The following RABGAP1L variants were observed in gnomAD, a reference collection of about 807,000 sequenced individuals.
The protein encoded by RABGAP1L is rab GTPase-activating protein 1-like.
Under a neutral mutation model 137.7 loss-of-function variants are expected in RABGAP1L, and 63 were observed. The ratio of observed to expected loss-of-function variants is 0.46; its 90% confidence interval spans 0.37 to 0.56. The LOEUF (loss-of-function observed/expected upper bound fraction) is 0.56. RABGAP1L is among the 20% of genes least tolerant of loss of function. RABGAP1L has a pLI of 0.00. For synonymous variants in RABGAP1L, 431 were observed against 433.7 expected, an observed-to-expected ratio of 0.99 and a Z score of 0.08; for missense variants, 1,095 against 1,244.0, an observed-to-expected ratio of 0.88 and a Z score of 1.80.
chr1:174,744,582 G>A (rs1033827882), intron 17 of RABGAP1L, among the ~76,000 whole-genome samples: 5 of 152,158 alleles, frequency 3.3e-5, no homozygotes, highest in Non-Finnish European at 5.9e-5. Flanking sequence ...GCACTGAGAA[G>A]GGCACAGCAT....
intron 18 of RABGAP1L, among the ~76,000 whole-genome samples, chr1:174,791,466 ATTT>A (rs1232457051): frequency 1.3e-5 from 2 of 152,184 alleles, no homozygotes; most frequent in Non-Finnish European, 2.9e-5. Flanking sequence ...ACACCTCATT[ATTT>A]TTTAACAGCA....
At chr1:174,210,493 A>C (rs2148428888) in intron 1 of RABGAP1L, among the ~76,000 whole-genome samples, 1 of 152,356 alleles carries the variant, frequency 6.6e-6, no homozygotes, top group Middle Eastern at 3.4e-3. Context: ...GATCAAGCCG[A>C]AGGAAGAATT....
chr1:174,306,447 G>A (rs999817759), intron 11 of RABGAP1L, among the ~76,000 whole-genome samples: 2 of 152,054 alleles, frequency 1.3e-5, no homozygotes, highest in African/African-American at 4.8e-5. Context: ...ACTTTTTAAC[G>A]ATCGCCATTC....
Position 174,538,614 on chromosome 1 carries a change from C to T in RABGAP1L, c.1711-98761C>T, listed in dbSNP as rs35817944. ...TTTCTATGACTTAGTTTTTTTTAAC[C>T]CACAAGGTGGTTATAATGATATTTC... On this transcript the variant is annotated intron_variant, in intron 13 of 25. Transcript: ENST00000681986. Among the ~76,000 whole-genome samples the T allele has an allele frequency of 8.4e-4, 128 of 152,058 alleles. 1 individual carries two copies. The highest frequency in any genetic ancestry group is 1.3e-3 in the Non-Finnish European group (90 of 67,972).
intron 13 of RABGAP1L, among the ~76,000 whole-genome samples, chr1:174,440,635 G>A (rs1654021104): frequency 6.6e-6 from 1 of 152,054 alleles, no homozygotes; most frequent in Non-Finnish European, 1.5e-5. Flanking sequence ...GTGCACGGTG[G>A]CGTGATCTCT....
At chr1:174,806,577 C>T (rs1689320329) in intron 18 of RABGAP1L, among the ~76,000 whole-genome samples, 1 of 152,192 alleles carries the variant, frequency 6.6e-6, no homozygotes, top group South Asian at 2.1e-4. Flanking sequence ...TACCGCACTT[C>T]AGACTGGATG....
At chr1:174,965,862 A>T (rs995018546) in intron 20 of RABGAP1L, among the ~76,000 whole-genome samples, 2 of 152,188 alleles carry the variant, frequency 1.3e-5, no homozygotes, top group Non-Finnish European at 2.9e-5. Context: ...AGGGACTCTG[A>T]GACACTCAGT....
intron 13 of RABGAP1L, among the ~76,000 whole-genome samples, chr1:174,501,892 T>C (rs1306378512): frequency 2.0e-5 from 3 of 148,012 alleles, no homozygotes; most frequent in East Asian, 3.9e-4. Context: ...CTTCTGGGAT[T>C]CTTAGGATAC....
chr1:174,833,368 T>TTGTGTGTGTGTG (rs71117578), intron 19 of RABGAP1L, among the ~76,000 whole-genome samples: 2 of 108,476 alleles, frequency 1.8e-5, no homozygotes, highest in African/African-American at 6.4e-5. Flanking sequence ...ACCAGCTAAT[T>TTGTGTGTGTGTG]TGTGTGTGTG....
chr1:174,939,601 A>G (rs984004575), intron 19 of RABGAP1L, among the ~76,000 whole-genome samples: 7 of 152,132 alleles, frequency 4.6e-5, no homozygotes, highest in African/African-American at 7.2e-5. Context: ...GAATGCTCCA[A>G]TTGCATAGTA....
chr1:174,209,618 C>T (rs1247734771), intron 1 of RABGAP1L, among the ~76,000 whole-genome samples: 2 of 152,206 alleles, frequency 1.3e-5, no homozygotes, highest in Admixed American at 1.3e-4. Context: ...TTTTAAACTC[C>T]AGTCCCTGGC....
chr1:174,718,170 G>A (rs2148580826), intron 17 of RABGAP1L, among the ~76,000 whole-genome samples: 1 of 152,094 alleles, frequency 6.6e-6, no homozygotes, highest in East Asian at 1.9e-4. Flanking sequence ...TTGCCCTGTG[G>A]TCTTCCTTCC....
chr1:174,181,922 C>T (rs1011500784), intron 1 of RABGAP1L, among the ~76,000 whole-genome samples: 3 of 152,060 alleles, frequency 2.0e-5, no homozygotes, highest in Non-Finnish European at 4.4e-5. Flanking sequence ...ATACTGTACT[C>T]CCTCCCTAAT....
chr1:174,702,317 TAC>T, intron 17 of RABGAP1L, 61 bp downstream of exon 17: 2 of 1,412,906 alleles, frequency 1.4e-6, no homozygotes, highest in East Asian at 2.5e-5. Context: ...TAAAAATGGT[TAC>T]AGTTTTCTTC....
chr1:174,281,100 C>G (rs1336723579), intron 10 of RABGAP1L, among the ~76,000 whole-genome samples: 1 of 152,078 alleles, frequency 6.6e-6, no homozygotes, highest in Non-Finnish European at 1.5e-5. Context: ...TGTTACAGCT[C>G]ATAAAGGTAG....
In RABGAP1L at chr1:174,366,719, G is replaced by A. The variant is rs1409421641; in HGVS notation, c.1466-4260G>A. Among the ~76,000 whole-genome samples the A allele has an allele frequency of 4.1e-5, 6 of 147,530 alleles. No homozygotes were observed. The East Asian group carries it at 1.3e-3, about 31-fold the overall frequency. ...GAACCCAGAAGGTGAAGGTTGCAGT[G>A]AGCCGAGATGGTGCCACTGCACTCC... On this transcript the variant is annotated intron_variant, in intron 11 of 25. Coordinates refer to ENST00000681986, the MANE Select transcript of RABGAP1L (RefSeq NM_001366446.1).
chr1:174,306,182 G>A (rs1170402238), intron 11 of RABGAP1L, among the ~76,000 whole-genome samples: 1 of 152,178 alleles, frequency 6.6e-6, no homozygotes, highest in Non-Finnish European at 1.5e-5. Flanking sequence ...CATTTGGGTT[G>A]GTTCCAAGTC....
At chr1:174,297,483 G>C (rs930689918) in intron 10 of RABGAP1L, among the ~76,000 whole-genome samples, 2 of 152,200 alleles carry the variant, frequency 1.3e-5, no homozygotes, top group Non-Finnish European at 2.9e-5. Flanking sequence ...AACTTCTCGA[G>C]TTCCACTCCA....
chr1:174,711,964 A>C (rs887039877), intron 17 of RABGAP1L, among the ~76,000 whole-genome samples: 5 of 152,204 alleles, frequency 3.3e-5, no homozygotes, highest in Non-Finnish European at 5.9e-5. Context: ...TAAACACACC[A>C]ATCAGTGCTC....
Sources: gnomAD v4.1 joint callset for allele counts (sites outside exome capture counted in the v4.1 genomes callset) on GRCh38, gnomAD v4.1.1 for gene constraint, MANE v1.5 for transcripts, NCBI Gene and HGNC (gene_info 2026-07-23, HGNC 2026-07-21) for gene names.